ANKRD42: variants seen among roughly 807,000 people sequenced by gnomAD.
ANKRD42 encodes ankyrin repeat domain 42, also known as ankyrin repeat domain-containing protein 42.
A neutral mutation model predicts 51.5 loss-of-function variants in ANKRD42; 43 were observed. The observed-to-expected ratio is 0.83, with a 90% confidence interval of 0.65 to 1.08. The LOEUF is 1.08. ANKRD42 is among the 50% of genes least tolerant of loss of function. The pLI, the probability that ANKRD42 is intolerant of heterozygous loss-of-function variation, is 0.00. For missense variants in ANKRD42, 608 were observed against 629.3 expected (o/e 0.97, Z 0.36); for synonymous variants, 203 against 213.0 (o/e 0.95, Z 0.41).
At chr11:83,201,123 A>G (rs555106679) in intron 2 of ANKRD42, among the ~76,000 whole-genome samples, 1 of 151,950 alleles carries the variant, frequency 6.6e-6, no homozygotes, top group African/African-American at 2.4e-5. Flanking sequence ...TGCATTAGGT[A>G]TTTGTCCTAA....
chr11:83,217,432 C>A (rs2135516407), intron 5 of ANKRD42, among the ~76,000 whole-genome samples: 1 of 152,312 alleles, frequency 6.6e-6, no homozygotes, highest in African/African-American at 2.4e-5. Context: ...TGCAACCGAG[C>A]AGGCGAGAGT....
intron 1 of ANKRD42, among the ~76,000 whole-genome samples, chr11:83,197,540 T>C (rs769584770): frequency 2.0e-5 from 3 of 152,154 alleles, no homozygotes; most frequent in Non-Finnish European, 2.9e-5. Flanking sequence ...CATAGATAAA[T>C]AGTAGTACAA....
intron 2 of ANKRD42, among the ~76,000 whole-genome samples, chr11:83,201,130 C>T (rs573661612): frequency 1.3e-5 from 2 of 152,206 alleles, no homozygotes; most frequent in East Asian, 3.9e-4. Flanking sequence ...GGTATTTGTC[C>T]TAATGCTCCG....
downstream of ANKRD42, among the ~76,000 whole-genome samples, chr11:83,250,751 T>A (rs371910184): frequency 1.3e-5 from 2 of 152,190 alleles, no homozygotes; most frequent in Admixed American, 6.5e-5. Context: ...TTTAAATTAA[T>A]GGCATCACTA....
chr11:83,202,554 G>A, intron 2 of ANKRD42, among the ~76,000 whole-genome samples: 1 of 152,138 alleles, frequency 6.6e-6, no homozygotes. Flanking sequence ...GATGGGAATA[G>A]CATTGAATCT....
rs750526778 is a variant in ANKRD42, at chr11:83,193,754, T to A, written c.-917T>A. 2.3e-6 allele frequency: 1 copy of A among 432,804 alleles called. No individual in the cohort carries two copies. The highest frequency in any genetic ancestry group is 4.6e-6 in the Non-Finnish European group (1 of 216,760). 26.8% of individuals were successfully genotyped at this position (432,804 alleles called of 1,614,324 possible). A position where few individuals can be genotyped will look rare whatever the true frequency, so the allele number is the denominator to read the frequency against. On this transcript the variant is annotated 5_prime_UTR_variant, in exon 1 of 11. Coordinates refer to ENST00000533342, the MANE Select transcript of ANKRD42 (RefSeq NM_001300975.2). ...CGGCCCTGCTGCCTCTCCAGCCAAGTGGCTGGAGTCGGGAGGCTGGAAAGA... is the reference window on the plus strand; with the variant it reads ...CGGCCCTGCTGCCTCTCCAGCCAAGAGGCTGGAGTCGGGAGGCTGGAAAGA...
chr11:83,230,406 CCTA>C (rs1382694697), intron 7 of ANKRD42, among the ~76,000 whole-genome samples: 1 of 152,110 alleles, frequency 6.6e-6, no homozygotes, highest in East Asian at 1.9e-4. Context: ...CTCTGACTCC[CCTA>C]CTACCTTTCC....
chr11:83,233,005 G>A (rs982015393), intron 7 of ANKRD42, among the ~76,000 whole-genome samples: 3 of 152,022 alleles, frequency 2.0e-5, no homozygotes, highest in Non-Finnish European at 4.4e-5. Flanking sequence ...GATGATTTTT[G>A]CATGAATATT....
downstream of ANKRD42, chr11:83,257,138 G>A (rs1361931462): frequency 2.7e-5 from 9 of 331,100 alleles, no homozygotes; most frequent in Admixed American, 8.9e-5. Context: ...TTAGCCAGCT[G>A]AACTGGTTTC....
chr11:83,227,271 C>T (rs1268657713), intron 6 of ANKRD42, among the ~76,000 whole-genome samples: 1 of 152,120 alleles, frequency 6.6e-6, no homozygotes, highest in Non-Finnish European at 1.5e-5. Flanking sequence ...AGCCACCACA[C>T]CTGGCTAAGT....
chr11:83,197,339 G>A (rs909348246), intron 1 of ANKRD42, among the ~76,000 whole-genome samples: 2 of 152,274 alleles, frequency 1.3e-5, no homozygotes, highest in African/African-American at 4.8e-5. Context: ...TTTCTATCAT[G>A]TTATCATAGT....
At chr11:83,257,673 TG>T (rs1381433420), downstream of ANKRD42, among the ~76,000 whole-genome samples, 3 of 152,198 alleles carry the variant, frequency 2.0e-5, no homozygotes, top group African/African-American at 7.2e-5. Flanking sequence ...TCTTCCCTTC[TG>T]GGACTACAGA....
rs1420025180 is a variant in ANKRD42 at position 83,193,970 on chromosome 11, G to C, written c.-701G>C. ...AGAAAATGTGAAGAGAGCGACCGCC[G>C]CTCCAGGGTCGCTGCAGGAAGCCTA... On this transcript the variant is annotated 5_prime_UTR_variant, in exon 1 of 11. Coordinates refer to ENST00000533342, the MANE Select transcript of ANKRD42 (RefSeq NM_001300975.2). The C allele has an allele frequency of 1.1e-5, 5 of 456,288 alleles. No homozygotes were observed. The highest frequency in any genetic ancestry group is 2.3e-5 in the Admixed American group (1 of 42,554). The allele number at this position is 456,288 out of a possible 1,614,324, so 28.3% of individuals were successfully genotyped here.
At chr11:83,199,997 T>C (rs535998527) in intron 2 of ANKRD42, among the ~76,000 whole-genome samples, 7 of 152,296 alleles carry the variant, frequency 4.6e-5, no homozygotes, top group South Asian at 2.1e-4. Flanking sequence ...CTATTTGTTC[T>C]GCACTTTGGC....
chr11:83,201,938 A>G (rs1861886325), intron 2 of ANKRD42, among the ~76,000 whole-genome samples: 1 of 152,066 alleles, frequency 6.6e-6, no homozygotes, highest in South Asian at 2.1e-4. Flanking sequence ...CCCATTCTGT[A>G]GGTTGCCTGT....
intron 1 of ANKRD42, among the ~76,000 whole-genome samples, chr11:83,195,087 T>C (rs1207719345): frequency 6.6e-6 from 1 of 152,202 alleles, no homozygotes; most frequent in African/African-American, 2.4e-5. Context: ...TTTCACTCCA[T>C]TGAGTGACCC....
intron 5 of ANKRD42, among the ~76,000 whole-genome samples, chr11:83,221,499 T>C (rs1565187195): frequency 1.3e-5 from 2 of 152,236 alleles, no homozygotes; most frequent in Non-Finnish European, 2.9e-5. Flanking sequence ...GTCTTCTCTG[T>C]CTGGCTTCTT....
chr11:83,219,571 A>G (rs1047320189), intron 5 of ANKRD42, among the ~76,000 whole-genome samples: 3 of 152,206 alleles, frequency 2.0e-5, no homozygotes, highest in Non-Finnish European at 2.9e-5. Flanking sequence ...CTTGCCATCA[A>G]AGGAGTAAGC....
chr11:83,258,700 GATA>G (rs1469205785), downstream of ANKRD42, among the ~76,000 whole-genome samples: 2 of 152,124 alleles, frequency 1.3e-5, no homozygotes, highest in African/African-American at 2.4e-5. Flanking sequence ...TAGTTTCAGT[GATA>G]ATGACTACAG....
Sources: allele counts gnomAD v4.1 joint callset (sites outside exome capture counted in the v4.1 genomes callset), GRCh38; gene constraint gnomAD v4.1.1; transcripts MANE v1.5; gene names NCBI Gene and HGNC (gene_info 2026-07-23, HGNC 2026-07-21).